GMDS: variants seen among roughly 807,000 people sequenced by gnomAD.
GMDS encodes GDP-mannose 4,6 dehydratase.
In GMDS, 20 loss-of-function variants were observed where a neutral mutation model predicts 49.9. The ratio of observed to expected loss-of-function variants is 0.40; its 90% CI spans 0.28 to 0.58. GMDS has a LOEUF of 0.58. GMDS is among the 20% of genes least tolerant of loss of function. GMDS has a pLI of 0.42. For synonymous variants in GMDS, 177 were observed against 178.6 expected, an observed-to-expected ratio of 0.99 and a Z score of 0.07; for missense variants, 362 against 481.4, an observed-to-expected ratio of 0.75 and a Z score of 2.32.
intron 7 of GMDS, among the ~76,000 whole-genome samples, chr6:1,928,502 G>A (rs1458014392): frequency 6.6e-6 from 1 of 152,044 alleles, no homozygotes; most frequent in Non-Finnish European, 1.5e-5. Context: ...TTTTTCAGTA[G>A]GTAAGGTCAT....
chr6:1,867,291 T>A (rs1758485202), intron 7 of GMDS, among the ~76,000 whole-genome samples: 1 of 152,238 alleles, frequency 6.6e-6, no homozygotes, highest in Admixed American at 6.5e-5. Context: ...TAAGTCTTTT[T>A]AAACATTTTC....
chr6:2,087,640 T>C (rs1432143597), intron 4 of GMDS, among the ~76,000 whole-genome samples: 1 of 152,220 alleles, frequency 6.6e-6, no homozygotes, highest in Non-Finnish European at 1.5e-5. Context: ...ATGACTGCTG[T>C]GGTAAGTAAA....
intron 7 of GMDS, among the ~76,000 whole-genome samples, chr6:1,775,695 T>C (rs7449919): frequency 0.032 from 4,869 of 152,312 alleles, 114 homozygotes; most frequent in Non-Finnish European, 0.045. Context: ...ATAGTTTCCA[T>C]GTTGCTGTGA....
intron 1 of GMDS, among the ~76,000 whole-genome samples, chr6:2,234,577 C>T (rs1781265047): frequency 6.6e-6 from 1 of 151,916 alleles, no homozygotes; most frequent in Non-Finnish European, 1.5e-5. Context: ...CCACTGCACT[C>T]CAGCCTGGGC....
chr6:1,967,609 A>T (rs1764338214), intron 4 of GMDS, among the ~76,000 whole-genome samples: 1 of 152,212 alleles, frequency 6.6e-6, no homozygotes, highest in African/African-American at 2.4e-5. Context: ...CAGAGTGCAG[A>T]AGAAGAATCT....
rs537376027 is a variant in GMDS, at chr6:1,722,334, G to A, written c.987+4082C>T. Among the ~76,000 whole-genome samples the A allele has an allele frequency of 4.6e-5, 7 of 150,958 alleles. No homozygotes were observed. In the South Asian group the frequency reaches 1.1e-3, roughly 23 times the overall value. ...AATCTCCTGACCTTGTGATCTGCCCGCCTCGGCCTCCCAAAATGCTGGGAT... is the reference window on the plus strand; with the variant it reads ...AATCTCCTGACCTTGTGATCTGCCCACCTCGGCCTCCCAAAATGCTGGGAT... On this transcript the variant is annotated intron_variant, in intron 9 of 10. Coordinates refer to ENST00000380815, the MANE Select transcript of GMDS (RefSeq NM_001500.4).
intron 1 of GMDS, among the ~76,000 whole-genome samples, chr6:2,226,069 G>A (rs1285466644): frequency 6.6e-6 from 1 of 152,154 alleles, no homozygotes; most frequent in Non-Finnish European, 1.5e-5. Context: ...AAATGAAATA[G>A]AGGCAGAAAA....
rs919397839 is a variant in GMDS at position 1,836,623 on chromosome 6, A to C, written c.771+93480T>G. On this transcript the variant is annotated intron_variant, in intron 7 of 10. Transcript: ENST00000380815. The surrounding 1 kb of genome is among the most constrained non-coding windows in gnomAD (Gnocchi z 4.2). Reference sequence around the variant, plus strand: ...TGCAGAAAAATATTCTTACGAAAATAGTCCATAAAAGGGAGATTGGGTAGA... The same window carrying C: ...TGCAGAAAAATATTCTTACGAAAATCGTCCATAAAAGGGAGATTGGGTAGA... Among the ~76,000 whole-genome samples, 2 of 152,270 alleles carry C rather than the reference A, an allele frequency of 1.3e-5. No individual in the cohort carries two copies. Among genetic ancestry groups the C allele is most frequent in the Non-Finnish European group, 2.9e-5 (2 of 68,042 alleles).
chr6:1,769,041 A>C (rs1768471723), intron 7 of GMDS, among the ~76,000 whole-genome samples: 1 of 152,228 alleles, frequency 6.6e-6, no homozygotes, highest in South Asian at 2.1e-4. Context: ...TATTCTACAG[A>C]GAGAAAAGTA....
chr6:2,092,004 G>C (rs1773346240), intron 4 of GMDS, among the ~76,000 whole-genome samples: 1 of 152,156 alleles, frequency 6.6e-6, no homozygotes, highest in Non-Finnish European at 1.5e-5. Context: ...AGGACTCAGG[G>C]AAGAGTGGAT....
intron 6 of GMDS, among the ~76,000 whole-genome samples, chr6:1,950,820 T>A (rs1561916441): frequency 1.3e-5 from 2 of 152,170 alleles, no homozygotes; most frequent in African/African-American, 4.8e-5. Flanking sequence ...GAGTTTCTTA[T>A]CCTCACCACC....
intron 4 of GMDS, among the ~76,000 whole-genome samples, chr6:2,015,219 T>C (rs1767815388): frequency 6.6e-6 from 1 of 152,162 alleles, no homozygotes; most frequent in South Asian, 2.1e-4. Context: ...ACTTAATTGA[T>C]ATTTACTGAT....
At chr6:1,943,919 A>G (rs1435758325) in intron 6 of GMDS, among the ~76,000 whole-genome samples, 1 of 152,240 alleles carries the variant, frequency 6.6e-6, no homozygotes, top group Non-Finnish European at 1.5e-5. Flanking sequence ...TATTCAGTCT[A>G]TGTAAGAATG....
chr6:1,800,790 G>A (rs1432448608), intron 7 of GMDS, among the ~76,000 whole-genome samples: 1 of 152,004 alleles, frequency 6.6e-6, no homozygotes, highest in Non-Finnish European at 1.5e-5. Context: ...CTTAGCCCTG[G>A]GTGAAGCAGG....
intron 7 of GMDS, among the ~76,000 whole-genome samples, chr6:1,812,942 G>A (rs1472085949): frequency 6.6e-6 from 1 of 152,052 alleles, no homozygotes; most frequent in Non-Finnish European, 1.5e-5. Flanking sequence ...AAGTTATTAA[G>A]CCAAGCATGG....
intron 6 of GMDS, among the ~76,000 whole-genome samples, chr6:1,957,006 T>C (rs1469854176): frequency 1.3e-5 from 2 of 152,130 alleles, no homozygotes. Context: ...TTTCACCATG[T>C]TGGCCAGGCT....
intron 4 of GMDS, among the ~76,000 whole-genome samples, chr6:2,065,429 C>T (rs924121609): frequency 1.3e-5 from 2 of 152,236 alleles, no homozygotes; most frequent in Admixed American, 6.5e-5. Context: ...TGGAGAATGA[C>T]TTTGACGAGC....
intron 9 of GMDS, among the ~76,000 whole-genome samples, chr6:1,698,620 C>T (rs1195319839): frequency 6.6e-6 from 1 of 152,088 alleles, no homozygotes; most frequent in Non-Finnish European, 1.5e-5. Context: ...GCCAAGTCTA[C>T]AGGGTTGGTA....
chr6:1,712,680 C>T (rs560675986), intron 9 of GMDS, among the ~76,000 whole-genome samples: 97 of 151,626 alleles, frequency 6.4e-4, no homozygotes, highest in Non-Finnish European at 8.1e-4. Context: ...ATGAGGGTAT[C>T]GGAAAGCTCA....
Sources: gnomAD v4.1 joint callset for allele counts (sites outside exome capture counted in the v4.1 genomes callset) on GRCh38, gnomAD v4.1.1 for gene constraint, Gnocchi (gnomAD v3.1) non-coding constraint, MANE v1.5 for transcripts, NCBI Gene and HGNC (gene_info 2026-07-23, HGNC 2026-07-21) for gene names.